PREX2: variants seen among roughly 807,000 people sequenced by gnomAD.
PREX2 encodes phosphatidylinositol 3,4,5-trisphosphate-dependent Rac exchanger 2 protein.
In PREX2, 107 loss-of-function variants were observed where a neutral mutation model predicts 203.2. The ratio of observed to expected loss-of-function variants is 0.53; its 90% confidence interval spans 0.45 to 0.62. The LOEUF is 0.62. PREX2 is among the 20% of genes least tolerant of loss of function. The pLI, the probability that PREX2 is intolerant of heterozygous loss-of-function variation, is 0.00. For missense variants in PREX2, 1,777 were observed against 1,955.9 expected, an observed-to-expected ratio of 0.91 and a Z score of 1.72; for synonymous variants, 672 against 663.6, an observed-to-expected ratio of 1.01 and a Z score of -0.19.
chr8:68,038,052 A>T, intron 6 of PREX2, 107 bp from the exon 7 acceptor site: 1 of 1,230,564 alleles, frequency 8.1e-7, no homozygotes, highest in Non-Finnish European at 1.2e-6. Flanking sequence ...GCCTGTGCAT[A>T]GCTTGCTTCT....
At chr8:68,094,727 C>T (rs1810002237) in intron 21 of PREX2, among the ~76,000 whole-genome samples, 3 of 152,126 alleles carry the variant, frequency 2.0e-5, no homozygotes, top group Admixed American at 2.0e-4. Context: ...GTGGGGTTTT[C>T]CCCCATACCA....
chr8:68,001,810 A>C (rs1324667130), intron 1 of PREX2, among the ~76,000 whole-genome samples: 1 of 152,222 alleles, frequency 6.6e-6, no homozygotes, highest in Middle Eastern at 3.2e-3. Context: ...ATAGAGCTGA[A>C]GGCCATTGTC....
intron 1 of PREX2, among the ~76,000 whole-genome samples, chr8:67,986,890 G>A (rs939820110): frequency 1.3e-5 from 2 of 152,046 alleles, no homozygotes; most frequent in African/African-American, 4.8e-5. Context: ...CACTGGCCAG[G>A]GATGGTGGCT....
At chr8:68,168,061 A>C (rs1811798843) in intron 35 of PREX2, among the ~76,000 whole-genome samples, 1 of 152,156 alleles carries the variant, frequency 6.6e-6, no homozygotes, top group African/African-American at 2.4e-5. Flanking sequence ...CTAGTCTTTA[A>C]ATGTGCTTTA....
At position 68,151,637 on chromosome 8, in the gene PREX2, T is replaced by TA. The variant is rs1811436763; in HGVS notation, c.4231+5286dup. Among the ~76,000 whole-genome samples, 3 of 152,256 alleles carry TA rather than the reference T, an allele frequency of 2.0e-5. No homozygotes were observed. The South Asian group carries it at 6.2e-4, about 32-fold the overall frequency. Reference sequence around the variant, plus strand: ...AGTGAATATAAAGTGTCCTGAAGTATAGCATCCCTTCCTTGTAAAGTGTTG... The same window carrying TA: ...AGTGAATATAAAGTGTCCTGAAGTATAAGCATCCCTTCCTTGTAAAGTGTTG... On this transcript the variant is annotated intron_variant, in intron 34 of 39. Transcript: ENST00000288368.
At chr8:68,116,028 T>A (rs1810651311) in intron 26 of PREX2, 96 bp downstream of exon 26, 2 of 1,062,288 alleles carry the variant, frequency 1.9e-6, no homozygotes, top group Middle Eastern at 2.1e-4. Flanking sequence ...TGATTGTTTT[T>A]CTTTTAATTG....
chr8:67,971,160 G>A (rs1805916670), intron 1 of PREX2, among the ~76,000 whole-genome samples: 1 of 152,142 alleles, frequency 6.6e-6, no homozygotes, highest in Admixed American at 6.6e-5. Flanking sequence ...CAGTGTGGGA[G>A]CTAGGGGAGA....
intron 9 of PREX2, 144 bp from the exon 10 acceptor site, chr8:68,055,686 C>A: frequency 1.4e-6 from 1 of 715,226 alleles, no homozygotes; most frequent in Non-Finnish European, 2.3e-6. Context: ...TTCTTGAACA[C>A]CAGGGCACTA....
At chr8:67,992,722 A>C (rs1035583093) in intron 1 of PREX2, among the ~76,000 whole-genome samples, 1 of 152,228 alleles carries the variant, frequency 6.6e-6, no homozygotes, top group African/African-American at 2.4e-5. Context: ...AGAAGCAGCC[A>C]AAAGCTTAAT....
chr8:68,084,650 G>A (rs1809629533), intron 18 of PREX2, among the ~76,000 whole-genome samples: 2 of 152,108 alleles, frequency 1.3e-5, no homozygotes, highest in African/African-American at 4.8e-5. Flanking sequence ...ACTAATGTAG[G>A]AAGACGGGGC....
chr8:68,004,965 G>A (rs373802774), intron 1 of PREX2, among the ~76,000 whole-genome samples: 19 of 152,144 alleles, frequency 1.2e-4, no homozygotes, highest in African/African-American at 3.9e-4. Flanking sequence ...CAGCTCTCCC[G>A]TAAATGGTGT....
rs1809785687 is a variant in PREX2 at position 68,089,064 on chromosome 8, A to G, written c.2113+1255A>G. On this transcript the variant is annotated intron_variant, in intron 19 of 39. Transcript: ENST00000288368. ...TTTTTTGGCACTGTAATTTTGCCACAAGAAAAAGAGATTTCTCGTGTGGGT... is the reference window on the plus strand; with the variant it reads ...TTTTTTGGCACTGTAATTTTGCCACGAGAAAAAGAGATTTCTCGTGTGGGT... Among the ~76,000 whole-genome samples, 4 of 152,288 alleles carry G rather than the reference A, an allele frequency of 2.6e-5. 1 individual carries two copies. In the South Asian group the frequency reaches 8.3e-4, roughly 32 times the overall value.
chr8:68,108,382 T>C (rs778400222), intron 24 of PREX2, 51 bp downstream of exon 24: 1 of 1,262,366 alleles, frequency 7.9e-7, no homozygotes, highest in Non-Finnish European at 1.1e-6. Context: ...ATTTAGGCAA[T>C]CATAGCTATT....
chr8:68,209,082 A>G (rs1433346424), intron 37 of PREX2, among the ~76,000 whole-genome samples: 1 of 151,478 alleles, frequency 6.6e-6, no homozygotes. Context: ...AAAAAAAAAA[A>G]AAAAAAAAGA....
Position 68,231,511 on chromosome 8 carries a change from C to G in PREX2, c.*133C>G, listed in dbSNP as rs529607002. ...TTTTTTTTTTCTGTAAATCTTTCTTCCCATTGCAAACAAGTAGTGATCAGT... is the reference window on the plus strand; with the variant it reads ...TTTTTTTTTTCTGTAAATCTTTCTTGCCATTGCAAACAAGTAGTGATCAGT... On this transcript the variant is annotated 3_prime_UTR_variant, in exon 40 of 40. Transcript: ENST00000288368. The G allele has an allele frequency of 6.2e-6, 4 of 640,242 alleles. No homozygotes were observed. The highest frequency in any genetic ancestry group is 9.8e-6 in the Non-Finnish European group (4 of 409,296). The allele number at this position is 640,242 out of a possible 1,614,324, so 39.7% of individuals were successfully genotyped here.
chr8:68,104,906 C>T (rs1810363670), intron 23 of PREX2, among the ~76,000 whole-genome samples: 1 of 152,176 alleles, frequency 6.6e-6, no homozygotes, highest in African/African-American at 2.4e-5. Flanking sequence ...TCTCCACACC[C>T]ACCCTGTGCA....
chr8:68,173,297 C>T (rs897340555), intron 35 of PREX2, among the ~76,000 whole-genome samples: 3 of 152,138 alleles, frequency 2.0e-5, no homozygotes, highest in African/African-American at 7.2e-5. Flanking sequence ...GATGCTGACT[C>T]TGTTGGAGAC....
In PREX2 at chr8:68,192,507, G is replaced by A; in HGVS notation, c.4586G>A (p.Cys1529Tyr). 1 of 1,612,454 alleles carries A rather than the reference G, an allele frequency of 6.2e-7. No homozygotes were observed. Among genetic ancestry groups the A allele is most frequent in the Non-Finnish European group, 8.5e-7 (1 of 1,179,622 alleles). The change falls in exon 37 of 40, where the codon TGC (cysteine) becomes TAC (tyrosine). Residue 1529 changes from cysteine (C) to tyrosine (Y), a missense_variant. Transcript: ENST00000288368. ...NRLGACHIIM[C>Y]SSGVHRCTLS... ...CTGGGCGCCTGCCACATCATCATGT[G>A]CAGCAGCGGTGTGCATCGGTATGTG...
intron 35 of PREX2, among the ~76,000 whole-genome samples, chr8:68,170,325 C>T (rs1005923504): frequency 1.8e-4 from 28 of 152,292 alleles, no homozygotes; most frequent in African/African-American, 6.3e-4. Context: ...ATTGCTGTCC[C>T]TTTGTATTTC....
Sources: allele counts gnomAD v4.1 joint callset (sites outside exome capture counted in the v4.1 genomes callset), GRCh38; gene constraint gnomAD v4.1.1; transcripts MANE v1.5; gene names NCBI Gene and HGNC (gene_info 2026-07-23, HGNC 2026-07-21).